SLC1A3: variants seen among roughly 807,000 people sequenced by gnomAD.
SLC1A3 encodes the protein solute carrier family 1 member 3.
SLC1A3 carries 21 observed loss-of-function variants against 48.1 expected under a neutral mutation model. The observed-to-expected ratio is 0.44, with a 90% CI of 0.31 to 0.63. The LOEUF (loss-of-function observed/expected upper bound fraction) is 0.63. Ranked by LOEUF, SLC1A3 falls within the 20% of genes least tolerant of loss-of-function variation. The pLI is 0.08. For synonymous variants in SLC1A3, 239 were observed against 251.4 expected (o/e 0.95, Z 0.47); for missense variants, 546 against 689.0 (o/e 0.79, Z 2.32).
Position 36,686,346 on chromosome 5 carries a change from A to C in SLC1A3, c.*77A>C. 7.9e-5 allele frequency: 89 copies of C among 1,119,972 alleles called. No homozygotes were observed. The highest frequency in any genetic ancestry group is 1.1e-4 in the Non-Finnish European group (84 of 733,022). 69.4% of individuals were successfully genotyped at this position (1,119,972 alleles called of 1,614,324 possible). A position where few individuals can be genotyped will look rare whatever the true frequency, so the allele number is the denominator to read the frequency against. ...AAATCTTTCCATCTCATTACAGCTC[A>C]TTCGCTCCAGCAAGCCCGTCATCTT... On this transcript the variant is annotated 3_prime_UTR_variant, in exon 10 of 10. Coordinates refer to ENST00000265113, the MANE Select transcript of SLC1A3 (RefSeq NM_004172.5).
At chr5:36,659,449 G>A (rs1741416990) in intron 3 of SLC1A3, among the ~76,000 whole-genome samples, 1 of 152,150 alleles carries the variant, frequency 6.6e-6, no homozygotes, top group African/African-American at 2.4e-5. Flanking sequence ...AAACATCACT[G>A]TCATCATGCC....
chr5:36,669,640 G>A (rs933225943), intron 3 of SLC1A3: 1 of 152,104 alleles, frequency 6.6e-6, no homozygotes, highest in African/African-American at 2.4e-5. Context: ...GGCTTATAAT[G>A]AAAATTATAA....
At chr5:36,673,428 C>T (rs1437692821) in intron 4 of SLC1A3, among the ~76,000 whole-genome samples, 2 of 152,182 alleles carry the variant, frequency 1.3e-5, no homozygotes, top group Non-Finnish European at 1.5e-5. Flanking sequence ...CCTCACTCTA[C>T]CCCCTACAAA....
intron 3 of SLC1A3, among the ~76,000 whole-genome samples, chr5:36,634,299 A>C (rs2111775336): frequency 6.6e-6 from 1 of 151,962 alleles, no homozygotes; most frequent in East Asian, 1.9e-4. Flanking sequence ...TAAATAAATA[A>C]ATAAATAAAT....
At chr5:36,629,249 A>G (rs1202601019) in intron 2 of SLC1A3, among the ~76,000 whole-genome samples, 2 of 152,264 alleles carry the variant, frequency 1.3e-5, no homozygotes, top group Non-Finnish European at 2.9e-5. Flanking sequence ...TATAAGTTCT[A>G]TTGAACCACG....
intron 3 of SLC1A3, among the ~76,000 whole-genome samples, chr5:36,661,407 G>A (rs6896530): frequency 0.62 from 93,687 of 152,126 alleles, 30,828 homozygotes; most frequent in Non-Finnish European, 0.72. Context: ...GCGAGACTCC[G>A]TCTCAAAGAA....
chr5:36,685,963 T>C, intron 9 of SLC1A3, 102 bp from the exon 10 acceptor site: 1 of 854,568 alleles, frequency 1.2e-6, no homozygotes, highest in Non-Finnish European at 2.0e-6. Context: ...TACGGCGAAC[T>C]GAATGTTAAG....
intron 2 of SLC1A3, among the ~76,000 whole-genome samples, chr5:36,627,388 A>G (rs1739951338): frequency 6.6e-6 from 1 of 152,142 alleles, no homozygotes; most frequent in African/African-American, 2.4e-5. Context: ...TCATTCACTA[A>G]TAGAGCATTA....
intron 1 of SLC1A3, among the ~76,000 whole-genome samples, chr5:36,599,267 G>C (rs1327047891): frequency 6.6e-6 from 1 of 152,180 alleles, no homozygotes; most frequent in Non-Finnish European, 1.5e-5. Flanking sequence ...AAAATGGTTA[G>C]GACTGGGAGT....
At chr5:36,636,141 T>C (rs551192964) in intron 3 of SLC1A3, 87 of 151,738 alleles carry the variant, frequency 5.7e-4, no homozygotes, top group African/African-American at 2.0e-3. Context: ...AATTTACCTT[T>C]CCATTACAGA....
Position 36,644,014 on chromosome 5 carries a change from AAAATAAATAAATAAATAAAT to A in SLC1A3, c.319+14452_319+14471del, listed in dbSNP as rs57649957. On this transcript the variant is annotated intron_variant, in intron 3 of 9. Coordinates refer to ENST00000265113, the MANE Select transcript of SLC1A3 (RefSeq NM_004172.5). ...GCAACAGGGCAAGACTCCGTCTCAA[AAAATAAATAAATAAATAAAT>A]AAATAAATAAATAAATAAATAAATT... is the stretch of plus-strand genomic sequence containing the variant. Among the ~76,000 whole-genome samples, 23 of 101,792 alleles carry A rather than the reference AAAATAAATAAATAAATAAAT, an allele frequency of 2.3e-4. No homozygotes were observed. In the East Asian group the frequency reaches 5.6e-3, roughly 25 times the overall value. The allele number at this position is 101,792 out of a possible 152,430, so 66.8% of individuals were successfully genotyped here.
upstream of SLC1A3, among the ~76,000 whole-genome samples, chr5:36,604,344 A>C (rs1738841736): frequency 6.6e-6 from 1 of 152,082 alleles, no homozygotes. Context: ...AGAAGGAAAA[A>C]AAAAGATGTT....
chr5:36,648,536 G>A (rs867076217), intron 3 of SLC1A3, among the ~76,000 whole-genome samples: 2 of 152,150 alleles, frequency 1.3e-5, no homozygotes, highest in South Asian at 2.1e-4. Context: ...GCCCTTGGAA[G>A]GTATTTATGG....
At chr5:36,645,473 C>T (rs1234521334) in intron 3 of SLC1A3, among the ~76,000 whole-genome samples, 1 of 151,862 alleles carries the variant, frequency 6.6e-6, no homozygotes, top group Non-Finnish European at 1.5e-5. Context: ...TTACAGGTGC[C>T]TACCACCACG....
chr5:36,659,763 T>C (rs1741431059), intron 3 of SLC1A3, among the ~76,000 whole-genome samples: 1 of 152,246 alleles, frequency 6.6e-6, no homozygotes, highest in South Asian at 2.1e-4. Flanking sequence ...AATAAATACA[T>C]CAAAGGCTTA....
At chr5:36,664,547 C>A (rs538530685) in intron 3 of SLC1A3, among the ~76,000 whole-genome samples, 2 of 151,852 alleles carry the variant, frequency 1.3e-5, no homozygotes, top group Non-Finnish European at 2.9e-5. Context: ...TGTATTGCAA[C>A]CTGGCACTCA....
chr5:36,660,412 C>T (rs757196211), intron 3 of SLC1A3, among the ~76,000 whole-genome samples: 12 of 152,040 alleles, frequency 7.9e-5, no homozygotes, highest in African/African-American at 2.4e-4. Context: ...AAACTATGCA[C>T]GTAAGTATTA....
At chr5:36,639,467 C>T (rs558800346) in intron 3 of SLC1A3, among the ~76,000 whole-genome samples, 23 of 152,308 alleles carry the variant, frequency 1.5e-4, no homozygotes, top group African/African-American at 5.5e-4. Context: ...GCAGATATGT[C>T]TTATCACTGA....
intron 3 of SLC1A3, among the ~76,000 whole-genome samples, chr5:36,640,624 G>A (rs1429638252): frequency 1.3e-5 from 2 of 152,142 alleles, no homozygotes; most frequent in Non-Finnish European, 2.9e-5. Context: ...CTGAGGATAA[G>A]TAATAAGTCA....
Sources: allele counts gnomAD v4.1 joint callset (sites outside exome capture counted in the v4.1 genomes callset), GRCh38; gene constraint gnomAD v4.1.1; transcripts MANE v1.5; gene names NCBI Gene and HGNC (gene_info 2026-07-23, HGNC 2026-07-21).